Variants in SCN9A observed in about 807,000 individuals in gnomAD.
SCN9A encodes sodium voltage-gated channel alpha subunit 9.
Under a neutral mutation model 187.0 loss-of-function variants are expected in SCN9A, and 131 were observed. The ratio of observed to expected loss-of-function variants is 0.70; its 90% CI spans 0.61 to 0.81. The LOEUF is 0.81. Ranked by LOEUF, SCN9A falls within the 30% of genes least tolerant of loss-of-function variation. SCN9A has a pLI of 0.00. For missense variants in SCN9A, 2,252 were observed against 2,396.6 expected (o/e 0.94, Z 1.26); for synonymous variants, 809 against 808.6 (o/e 1.00, Z -0.01).
In SCN9A at chr2:166,199,016, C is replaced by T. The variant is rs761153502; in HGVS notation, c.5623G>A (p.Val1875Met). 6.2e-7 allele frequency: 1 copy of T among 1,614,064 alleles called. No homozygotes were observed. Among genetic ancestry groups the T allele is most frequent in the Non-Finnish European group, 8.5e-7 (1 of 1,179,990 alleles). The stretch of plus-strand genomic sequence containing the variant: ...GTGGTTGTGATGGGTTCATAGGACA[C>T]TTTGGAAGGATTTGCAGACATGAAC... ...ERFMSANPSK[V>M]SYEPITTTLK... is the part of the protein sequence containing the mutation. Residue 1875 changes from valine (V) to methionine (M), a missense_variant, in exon 27 of 27, where the codon GTG (valine) becomes ATG (methionine). Coordinates refer to ENST00000642356, the MANE Select transcript of SCN9A (RefSeq NM_001365536.1).
At chr2:166,353,955 C>T (rs986362935) in intron 1 of SCN9A, among the ~76,000 whole-genome samples, 11 of 152,142 alleles carry the variant, frequency 7.2e-5, no homozygotes, top group Non-Finnish European at 1.5e-4. Context: ...TGGTGAAATA[C>T]TTCTCCTAAC....
intron 17 of SCN9A, among the ~76,000 whole-genome samples, chr2:166,271,835 G>A (rs1697002541): frequency 2.0e-5 from 3 of 151,858 alleles, no homozygotes; most frequent in Non-Finnish European, 2.9e-5. Context: ...TCCAGACTGG[G>A]CAACAGAGTG....
rs561954243 is a variant in SCN9A at position 166,244,357 on chromosome 2, G to C, written c.3473-1701C>G. ...ACAATATTAAGGGAGAGAATTCAAT[G>C]GTGTGCTGAAAGCAGACCATACCAA... On this transcript the variant is annotated intron_variant, in intron 18 of 26. Transcript: ENST00000642356. Among the ~76,000 whole-genome samples the C allele has an allele frequency of 1.1e-4, 16 of 152,074 alleles. No homozygotes were observed. The South Asian group carries it at 3.3e-3, about 32-fold the overall frequency.
At chr2:166,356,729 T>C (rs778611965) in intron 1 of SCN9A, among the ~76,000 whole-genome samples, 4 of 152,148 alleles carry the variant, frequency 2.6e-5, no homozygotes, top group Non-Finnish European at 5.9e-5. Context: ...TATATAAACA[T>C]TGTTTCATAC....
Position 166,233,339 on chromosome 2 carries a change from C to T in SCN9A, c.3924+1G>A. ...CATTATAAAGTTTAGTATTTTCTTA[C>T]CCTCATTCCTTCAAATCTAGATAAG... On this transcript the variant is annotated splice_donor_variant, in intron 21 of 26. Coordinates refer to ENST00000642356, the MANE Select transcript of SCN9A (RefSeq NM_001365536.1). LOFTEE classifies it high-confidence loss of function. 2 of 1,526,810 alleles carry T rather than the reference C, an allele frequency of 1.3e-6. No homozygotes were observed. The highest frequency in any genetic ancestry group is 1.7e-6 in the Non-Finnish European group (2 of 1,144,632). The allele number at this position is 1,526,810 out of a possible 1,614,324, so 94.6% of individuals were successfully genotyped here.
intron 1 of SCN9A, among the ~76,000 whole-genome samples, chr2:166,351,663 A>AG (rs1700036008): frequency 6.6e-6 from 1 of 152,196 alleles, no homozygotes; most frequent in Non-Finnish European, 1.5e-5. Context: ...AAGAGAATAC[A>AG]GTAAGACCAT....
chr2:166,230,831 A>C (rs1274447656), intron 21 of SCN9A, among the ~76,000 whole-genome samples: 2 of 152,176 alleles, frequency 1.3e-5, no homozygotes, highest in Non-Finnish European at 2.9e-5. Context: ...TTTCTAAAAA[A>C]TGTGAGTAAT....
chr2:166,284,916 G>C, intron 11 of SCN9A, 92 bp from the exon 12 acceptor site: 2 of 1,356,588 alleles, frequency 1.5e-6, no homozygotes, highest in Non-Finnish European at 2.0e-6. Context: ...TGGCCTGAGG[G>C]CAGGTGGCTC....
chr2:166,200,148 C>A lies in SCN9A; in HGVS notation c.4775-284G>T, dbSNP rs530041020. Among the ~76,000 whole-genome samples, 1,285 of 148,468 alleles carry A rather than the reference C, an allele frequency of 8.7e-3. 15 individuals carry two copies. The highest frequency in any genetic ancestry group is 0.03 in the African/African-American group (1,214 of 40,126). On this transcript the variant is annotated intron_variant, in intron 26 of 26. Coordinates refer to ENST00000642356, the MANE Select transcript of SCN9A (RefSeq NM_001365536.1). ...GAGTAGCTGGGACTACAGGCGCCCG[C>A]TACCACGCCCGGCTAATTTTTTGTA...
chr2:166,252,188 T>C (rs1358406420), intron 17 of SCN9A, among the ~76,000 whole-genome samples: 1 of 151,976 alleles, frequency 6.6e-6, no homozygotes, highest in African/African-American at 2.4e-5. Flanking sequence ...TTTTGGAAAG[T>C]ATTGACCACA....
In SCN9A at chr2:166,226,578, G is replaced by T; in HGVS notation, c.4387C>A (p.Gln1463Lys). ...TTTGAAATACTTATCTTCTTTTTCT[G>T]TTGGTTGAAATTATCTATGATGACA... ...IGVIIDNFNQ[Q>K]KKKLGGQDIF... The change falls in exon 24 of 27, where the codon CAG becomes AAG. Residue 1463 changes from glutamine to lysine, a missense_variant. Around this residue, in one of 7 missense-constraint regions of SCN9A, gnomAD observed 368 missense variants for 408.6 expected, o/e 0.90. Coordinates refer to ENST00000642356, the MANE Select transcript of SCN9A (RefSeq NM_001365536.1). The T allele has an allele frequency of 6.5e-7, 1 of 1,544,066 alleles. No individual in the cohort carries two copies. The highest frequency in any genetic ancestry group is 8.8e-7 in the Non-Finnish European group (1 of 1,140,066).
rs191711007 is a variant in SCN9A at position 166,254,827 on chromosome 2, T to G, written c.3352-2942A>C. On this transcript the variant is annotated intron_variant, in intron 17 of 26. Coordinates refer to ENST00000642356, the MANE Select transcript of SCN9A (RefSeq NM_001365536.1). ...AGGGAAGTATCAATTTTTTTCATCA[T>G]TGGCAGTCTAGTTATAAATAAAGTA... 2.5e-4 allele frequency among the ~76,000 whole-genome samples: 38 copies of G among 151,390 alleles called. No individual in the cohort carries two copies. In the East Asian group the frequency reaches 7.4e-3, roughly 29 times the overall value.
intron 24 of SCN9A, among the ~76,000 whole-genome samples, chr2:166,211,535 A>G (rs534024840): frequency 9.9e-5 from 15 of 151,932 alleles, no homozygotes; most frequent in Admixed American, 9.2e-4. Context: ...AATCATTTAT[A>G]ATTCTAATAT....
intron 12 of SCN9A, among the ~76,000 whole-genome samples, chr2:166,283,226 C>A (rs1697574341): frequency 6.6e-6 from 1 of 152,020 alleles, no homozygotes; most frequent in Non-Finnish European, 1.5e-5. Flanking sequence ...AAGTTTGATT[C>A]CACAGAAATT....
At chr2:166,338,387 A>C (rs1453896071) in intron 1 of SCN9A, among the ~76,000 whole-genome samples, 1 of 151,970 alleles carries the variant, frequency 6.6e-6, no homozygotes, top group Non-Finnish European at 1.5e-5. Context: ...ATTATACAAG[A>C]TATTACTATT....
chr2:166,207,639 C>T (rs1693876592), intron 24 of SCN9A, among the ~76,000 whole-genome samples: 2 of 152,134 alleles, frequency 1.3e-5, no homozygotes, highest in Non-Finnish European at 1.5e-5. Flanking sequence ...CAGGGTTTCA[C>T]CATGTTGGCT....
chr2:166,351,536 A>G (rs1351751370), intron 1 of SCN9A, among the ~76,000 whole-genome samples: 4 of 152,218 alleles, frequency 2.6e-5, no homozygotes, highest in Non-Finnish European at 5.9e-5. Context: ...AGCCATTAGG[A>G]AAGCTCTTGC....
intron 17 of SCN9A, among the ~76,000 whole-genome samples, chr2:166,262,185 G>A (rs1056645672): frequency 4.0e-5 from 6 of 151,866 alleles, no homozygotes; most frequent in African/African-American, 1.2e-4. Flanking sequence ...GTCTAGATGA[G>A]TTTGTCATAT....
chr2:166,282,591 T>C (rs1258979208), intron 12 of SCN9A, among the ~76,000 whole-genome samples: 1 of 152,076 alleles, frequency 6.6e-6, no homozygotes, highest in African/African-American at 2.4e-5. Context: ...CACACACACA[T>C]ATATACACAA....
Sources: allele counts gnomAD v4.1 joint callset (sites outside exome capture counted in the v4.1 genomes callset), GRCh38; gene constraint gnomAD v4.1.1; regional missense constraint gnomAD v4.1.1; transcripts MANE v1.5; gene names NCBI Gene and HGNC (gene_info 2026-07-23, HGNC 2026-07-21).